The following TRPC3 variants were observed in gnomAD, a reference collection of about 807,000 sequenced individuals.
The protein encoded by TRPC3 is transient receptor potential cation channel subfamily C member 3.
TRPC3 carries 54 observed loss-of-function variants against 90.9 expected under a neutral mutation model. The ratio of observed to expected loss-of-function variants is 0.59; its 90% CI spans 0.48 to 0.75. The LOEUF (loss-of-function observed/expected upper bound fraction) is 0.75. Among genes scored for constraint, TRPC3 ranks in the 30% least tolerant of loss-of-function variants. The probability of loss-of-function intolerance (pLI) is 0.00; values close to 1 mark genes in which losing one functional copy is unlikely to be tolerated. For synonymous variants in TRPC3, 424 were observed against 450.9 expected, an observed-to-expected ratio of 0.94 and a Z score of 0.75; for missense variants, 918 against 1,194.5, an observed-to-expected ratio of 0.77 and a Z score of 3.41.
At chr4:121,897,096 G>A (rs1728540251) in intron 10 of TRPC3, among the ~76,000 whole-genome samples, 1 of 151,970 alleles carries the variant, frequency 6.6e-6, no homozygotes, top group Non-Finnish European at 1.5e-5. Context: ...ATATGCAGAA[G>A]AATAAGACTA....
chr4:121,885,688 A>C (rs1728090851), intron 10 of TRPC3, among the ~76,000 whole-genome samples: 1 of 152,206 alleles, frequency 6.6e-6, no homozygotes, highest in Non-Finnish European at 1.5e-5. Flanking sequence ...CATATGTAAC[A>C]AGTAAAAGTA....
Position 121,874,647 on chromosome 4 carries a change from G to A in TRPC3, c.*5089C>T, listed in dbSNP as rs906301821. Among the ~76,000 whole-genome samples the A allele has an allele frequency of 6.6e-6, 1 of 152,136 alleles. No homozygotes were observed. Among genetic ancestry groups the A allele is most frequent in the African/African-American group, 2.4e-5 (1 of 41,422 alleles). The stretch of plus-strand genomic sequence containing the variant: ...TGGTCCTCCCTCTATGTCTGTCTGT[G>A]TCTCATCTTGTCTTTTTATAAGCAC... On this transcript the variant is annotated 3_prime_UTR_variant, in exon 12 of 12. Coordinates refer to ENST00000379645, the MANE Select transcript of TRPC3 (RefSeq NM_001130698.2).
rs34119323 is a variant in TRPC3 at position 121,914,825 on chromosome 4, G to A, written c.1296C>T (p.Gly432=). 3.1e-3 allele frequency: 5,026 copies of A among 1,613,504 alleles called. 140 individuals are homozygous for A. In the African/African-American group the frequency reaches 0.058, roughly 19 times the overall value. Residue 432 remains glycine, a synonymous_variant, in exon 4 of 12, where the codon GGC becomes GGT. Coordinates refer to ENST00000379645, the MANE Select transcript of TRPC3 (RefSeq NM_001130698.2). ...KCLVVLVVAL[G]LPFLAIGYWI... is the part of the protein sequence containing the mutation. Reference sequence around the variant, plus strand: ...AGTAGCCAATGGCCAGGAATGGAAGGCCCAGGGCCACGACCAGCACAACGA... The same window carrying A: ...AGTAGCCAATGGCCAGGAATGGAAGACCCAGGGCCACGACCAGCACAACGA...
intron 1 of TRPC3, among the ~76,000 whole-genome samples, chr4:121,950,016 GA>G (rs776835430): frequency 1.3e-5 from 2 of 152,162 alleles, no homozygotes; most frequent in Non-Finnish European, 2.9e-5. Flanking sequence ...TTGGCAAAAG[GA>G]AAAATGGACA....
intron 6 of TRPC3, among the ~76,000 whole-genome samples, chr4:121,908,364 A>G (rs1372760539): frequency 2.0e-5 from 3 of 152,188 alleles, no homozygotes; most frequent in African/African-American, 7.2e-5. Context: ...CAACCCAGCA[A>G]TTCCATTAGT....
chr4:121,876,153 C>T lies in TRPC3; in HGVS notation c.*3583G>A, dbSNP rs1486484693. ...AACTGAAGCCATCGACCTGCTTCAA[C>T]GTCCCAAAGTGCTGCGATTACAGGT... On this transcript the variant is annotated 3_prime_UTR_variant, in exon 12 of 12. Coordinates refer to ENST00000379645, the MANE Select transcript of TRPC3 (RefSeq NM_001130698.2). Among the ~76,000 whole-genome samples, 1 of 151,922 alleles carries T rather than the reference C, an allele frequency of 6.6e-6. No homozygotes were observed. Among genetic ancestry groups the T allele is most frequent in the African/African-American group, 2.4e-5 (1 of 41,328 alleles).
intron 1 of TRPC3, among the ~76,000 whole-genome samples, chr4:121,942,254 C>T (rs1175318185): frequency 1.3e-5 from 2 of 152,152 alleles, no homozygotes; most frequent in Non-Finnish European, 2.9e-5. Flanking sequence ...ATTCAGAATT[C>T]TTCATGCATA....
chr4:121,904,501 T>A lies in TRPC3; in HGVS notation c.2074A>T (p.Lys692Ter). ...AAFTTVEESF[K>*]TLFWSIFGLS... The stretch of plus-strand genomic sequence containing the variant: ...CCAAATATTGACCAAAATAAAGTCT[T>A]GAAACTTTCTTCTACACTGTTGAAA... Residue 692 changes from lysine to a stop codon, truncating the protein, a stop_gained, in exon 8 of 12, where the codon AAG (lysine) becomes TAG (stop). Transcript: ENST00000379645. LOFTEE classifies it high-confidence loss of function. 6.4e-7 allele frequency: 1 copy of A among 1,561,714 alleles called. No homozygotes were observed. Among genetic ancestry groups the A allele is most frequent in the Non-Finnish European group, 8.6e-7 (1 of 1,157,236 alleles).
Position 121,932,626 on chromosome 4 carries a change from C to A in TRPC3, c.632G>T (p.Cys211Phe). 1 of 1,613,662 alleles carries A rather than the reference C, an allele frequency of 6.2e-7. No individual in the cohort carries two copies. The highest frequency in any genetic ancestry group is 8.5e-7 in the Non-Finnish European group (1 of 1,179,688). Residue 211 changes from cysteine to phenylalanine, a missense_variant, in exon 2 of 12, where the codon TGT becomes TTT. Cys to Phe is a radical substitution (Grantham distance 205). Coordinates refer to ENST00000379645, the MANE Select transcript of TRPC3 (RefSeq NM_001130698.2). The surrounding 1 kb of genome is among the most constrained non-coding windows in gnomAD (Gnocchi z 7.7). ...GTCGTCGTCCTGCAGCTCCTGCTCA[C>A]AGGGGCTCAGAGTGAGACGCTTGCT... ...AASKRLTLSP[C>F]EQELQDDDFY...
intron 11 of TRPC3, among the ~76,000 whole-genome samples, chr4:121,881,786 G>C (rs933011628): frequency 1.3e-5 from 2 of 152,012 alleles, no homozygotes; most frequent in African/African-American, 4.8e-5. Context: ...CTACATCCTA[G>C]ACTTTGGTAA....
chr4:121,906,364 A>T (rs1728881834), intron 7 of TRPC3, among the ~76,000 whole-genome samples: 1 of 152,104 alleles, frequency 6.6e-6, no homozygotes, highest in Non-Finnish European at 1.5e-5. Context: ...ATAGAGTTAA[A>T]AGGAAAATGG....
chr4:121,948,421 A>G (rs1730567248), intron 1 of TRPC3, among the ~76,000 whole-genome samples: 1 of 150,572 alleles, frequency 6.6e-6, no homozygotes, highest in African/African-American at 2.4e-5. Context: ...CTACACTATT[A>G]CAGAGTCTAA....
At chr4:121,937,652 C>A (rs987890555) in intron 1 of TRPC3, among the ~76,000 whole-genome samples, 2 of 152,096 alleles carry the variant, frequency 1.3e-5, no homozygotes, top group Non-Finnish European at 2.9e-5. Flanking sequence ...TTCTTTGTAC[C>A]TTTTATGAGG....
chr4:121,924,688 G>A (rs758202853), intron 3 of TRPC3, among the ~76,000 whole-genome samples: 9 of 152,046 alleles, frequency 5.9e-5, no homozygotes, highest in African/African-American at 1.2e-4. Context: ...CTACAGGCAC[G>A]TGCCACCATG....
In TRPC3 at chr4:121,951,543, C is replaced by T. The variant is rs1392332075; in HGVS notation, c.138G>A (p.Gly46=). Residue 46 remains glycine (G), a synonymous_variant, in exon 1 of 12, where the codon GGG becomes GGA. Transcript: ENST00000379645. This position sits in a 1 kb window ranked among gnomAD's most constrained non-coding sequence, Gnocchi z 4.4. ...RRRGWRGVNG[G]LEPRSAPSQR... ...GCGAGGGCGCCGAGCGCGGCTCCAG[C>T]CCCCCGTTGACGCCCCTCCAGCCCC... 9.2e-6 allele frequency: 13 copies of T among 1,419,918 alleles called. No individual in the cohort carries two copies. The highest frequency in any genetic ancestry group is 1.0e-5 in the Non-Finnish European group (11 of 1,084,400). 88.0% of individuals were successfully genotyped at this position (1,419,918 alleles called of 1,614,324 possible). A position where few individuals can be genotyped will look rare whatever the true frequency, so the allele number is the denominator to read the frequency against.
intron 10 of TRPC3, among the ~76,000 whole-genome samples, chr4:121,898,078 C>T (rs1475473814): frequency 6.6e-6 from 1 of 152,092 alleles, no homozygotes; most frequent in Non-Finnish European, 1.5e-5. Context: ...CATGTTCTAA[C>T]TCATAAACTC....
intron 3 of TRPC3, among the ~76,000 whole-genome samples, chr4:121,918,143 G>T (rs1289079226): frequency 1.3e-5 from 2 of 152,140 alleles, no homozygotes; most frequent in Admixed American, 6.5e-5. Flanking sequence ...CAGCTAGCTT[G>T]CTCTTCTACT....
chr4:121,942,732 C>T (rs1041001243), intron 1 of TRPC3, among the ~76,000 whole-genome samples: 1 of 152,208 alleles, frequency 6.6e-6, no homozygotes, highest in African/African-American at 2.4e-5. Flanking sequence ...TTCATAAAAG[C>T]ATGAGTAGCT....
intron 3 of TRPC3, among the ~76,000 whole-genome samples, chr4:121,916,505 T>G (rs190533751): frequency 3.9e-5 from 6 of 152,262 alleles, no homozygotes; most frequent in Non-Finnish European, 8.8e-5. Context: ...ATTAGAAAGC[T>G]AGGCTTTTGG....
Sources: gnomAD v4.1 joint callset for allele counts (sites outside exome capture counted in the v4.1 genomes callset) on GRCh38, gnomAD v4.1.1 for gene constraint, Gnocchi (gnomAD v3.1) non-coding constraint, MANE v1.5 for transcripts, NCBI Gene and HGNC (gene_info 2026-07-23, HGNC 2026-07-21) for gene names.